The following ZNF536 variants were observed in gnomAD, a reference collection of about 807,000 sequenced individuals.
ZNF536 encodes the protein zinc finger protein 536.
A neutral mutation model predicts 84.5 loss-of-function variants in ZNF536; 13 were observed. That is an observed-to-expected ratio of 0.15 (90% CI 0.10 to 0.24). ZNF536 has a LOEUF of 0.24. ZNF536 is among the 10% of genes least tolerant of loss of function. ZNF536 has a pLI of 1.00. For missense variants in ZNF536, 1,536 were observed against 1,747.5 expected, an observed-to-expected ratio of 0.88 and a Z score of 2.16; for synonymous variants, 811 against 742.5, an observed-to-expected ratio of 1.09 and a Z score of -1.50.
intron 1 of ZNF536, among the ~76,000 whole-genome samples, chr19:30,234,006 T>C (rs1412933018): frequency 6.6e-6 from 1 of 152,078 alleles, no homozygotes; most frequent in East Asian, 1.9e-4. Context: ...GACCAAAGCC[T>C]CCAGGTAGGT....
At chr19:30,438,114 G>T (rs1056491450) in intron 1 of ZNF536, among the ~76,000 whole-genome samples, 1 of 152,014 alleles carries the variant, frequency 6.6e-6, no homozygotes, top group Non-Finnish European at 1.5e-5. Context: ...TTTTAGACTC[G>T]GGGGTACATG....
chr19:30,709,867 T>G (rs571064820), intron 1 of ZNF536, among the ~76,000 whole-genome samples: 41 of 152,336 alleles, frequency 2.7e-4, no homozygotes, highest in Middle Eastern at 3.4e-3. Context: ...CTGACTTGCC[T>G]CAGCCTCCCA....
At chr19:30,266,759 C>T (rs1241748695) in intron 1 of ZNF536, among the ~76,000 whole-genome samples, 1 of 152,086 alleles carries the variant, frequency 6.6e-6, no homozygotes, top group Non-Finnish European at 1.5e-5. Flanking sequence ...GCTGGCAGAA[C>T]TTGGATTTAA....
chr19:30,465,077 A>G (rs1336996571), intron 2 of ZNF536, among the ~76,000 whole-genome samples: 1 of 152,026 alleles, frequency 6.6e-6, no homozygotes, highest in Non-Finnish European at 1.5e-5. Flanking sequence ...TCCCCCAGTG[A>G]CTTCCCATTC....
At chr19:30,404,697 A>G (rs2050193537) in intron 1 of ZNF536, among the ~76,000 whole-genome samples, 1 of 152,116 alleles carries the variant, frequency 6.6e-6, no homozygotes, top group Admixed American at 6.5e-5. Flanking sequence ...ACAGTCATCA[A>G]CACAGAAGAA....
chr19:30,425,418 C>A, intron 1 of ZNF536, among the ~76,000 whole-genome samples: 1 of 152,148 alleles, frequency 6.6e-6, no homozygotes, highest in East Asian at 1.9e-4. Flanking sequence ...CAACTTAAAC[C>A]ACCAGGAGAC....
chr19:30,551,508 G>A (rs924118671), intron 4 of ZNF536, among the ~76,000 whole-genome samples: 1 of 152,128 alleles, frequency 6.6e-6, no homozygotes, highest in Non-Finnish European at 1.5e-5. Context: ...TGTGCAAACC[G>A]TGTTGCCCAG....
intron 2 of ZNF536, among the ~76,000 whole-genome samples, chr19:30,324,536 C>G (rs535570513): frequency 2.4e-4 from 37 of 152,344 alleles, no homozygotes; most frequent in Middle Eastern, 3.4e-3. Flanking sequence ...GCACATGCCG[C>G]CATGCCTGGT....
chr19:30,292,342 T>C (rs2045868798), intron 2 of ZNF536, among the ~76,000 whole-genome samples: 1 of 151,632 alleles, frequency 6.6e-6, no homozygotes, highest in African/African-American at 2.4e-5. Context: ...TCTCTTTTTC[T>C]TCTTTTTTTT....
intron 1 of ZNF536, among the ~76,000 whole-genome samples, chr19:30,601,382 G>T (rs922562570): frequency 6.6e-6 from 1 of 152,166 alleles, no homozygotes; most frequent in Non-Finnish European, 1.5e-5. Flanking sequence ...CGTGAGTCAC[G>T]TGGGCAGCAG....
chr19:30,340,584 A>G (rs1481595845), intron 2 of ZNF536, among the ~76,000 whole-genome samples: 1 of 152,140 alleles, frequency 6.6e-6, no homozygotes, highest in African/African-American at 2.4e-5. Context: ...CTGCTCAGGC[A>G]CCTTCGCATC....
chr19:30,701,291 A>G (rs1192314882), intron 1 of ZNF536, among the ~76,000 whole-genome samples: 2 of 151,730 alleles, frequency 1.3e-5, no homozygotes, highest in African/African-American at 2.4e-5. Flanking sequence ...ACAAACACAA[A>G]CACACATACA....
intron 1 of ZNF536, among the ~76,000 whole-genome samples, chr19:30,439,152 A>G (rs1285271555): frequency 1.3e-5 from 2 of 152,102 alleles, no homozygotes; most frequent in African/African-American, 4.8e-5. Context: ...CAACACAGAC[A>G]TAATTATTGC....
chr19:30,451,451 A>G (rs2052603693), intron 2 of ZNF536, among the ~76,000 whole-genome samples: 1 of 152,200 alleles, frequency 6.6e-6, no homozygotes, highest in Admixed American at 6.5e-5. Flanking sequence ...GGCTTTTACC[A>G]TCTTTCTGAC....
In ZNF536 at chr19:30,443,580, G is replaced by T. The variant is rs2052166465; in HGVS notation, c.18G>T (p.Leu6=). The T allele has an allele frequency of 1.3e-6, 2 of 1,554,852 alleles. No homozygotes were observed. The highest frequency in any genetic ancestry group is 1.4e-5 in the African/African-American group (1 of 72,954). The change falls in exon 2 of 5, where the codon CTG becomes CTT. Residue 6 remains leucine (L), a synonymous_variant. Transcript: ENST00000355537. ...TTTCAGGGATGGAAGAAGCGAGCCT[G>T]TGCCTTGGAGTGTCTTCGGCGGAGC... MEEAS[L]CLGVSSAEPE... is the part of the protein sequence containing the mutation.
At chr19:30,282,424 G>A (rs1001436942) in intron 1 of ZNF536, among the ~76,000 whole-genome samples, 4 of 152,180 alleles carry the variant, frequency 2.6e-5, no homozygotes, top group African/African-American at 7.2e-5. Flanking sequence ...TGCAGGAGAC[G>A]GTGTTCTGAT....
intron 1 of ZNF536, among the ~76,000 whole-genome samples, chr19:30,617,157 T>G (rs1267557420): frequency 2.0e-5 from 3 of 151,000 alleles, no homozygotes; most frequent in Non-Finnish European, 4.4e-5. Flanking sequence ...CATGGGTTTT[T>G]GGGGAACAGG....
chr19:30,282,518 G>A (rs2045485703), intron 1 of ZNF536, among the ~76,000 whole-genome samples: 1 of 152,158 alleles, frequency 6.6e-6, no homozygotes, highest in African/African-American at 2.4e-5. Flanking sequence ...AATTTACAGG[G>A]CCTCTAAGTG....
intron 1 of ZNF536, among the ~76,000 whole-genome samples, chr19:30,272,767 A>G (rs1054737002): frequency 1.7e-4 from 26 of 152,224 alleles, no homozygotes; most frequent in African/African-American, 5.3e-4. Context: ...TTATTGCTGA[A>G]TAATATTCCA....
Sources: allele counts gnomAD v4.1 joint callset (sites outside exome capture counted in the v4.1 genomes callset), GRCh38; gene constraint gnomAD v4.1.1; transcripts MANE v1.5; gene names NCBI Gene and HGNC (gene_info 2026-07-23, HGNC 2026-07-21).